LRMDA: variants seen among roughly 807,000 people sequenced by gnomAD.
The protein encoded by LRMDA is leucine rich melanocyte differentiation associated, also known as leucine-rich melanocyte differentiation-associated protein.
Under a neutral mutation model 29.8 loss-of-function variants are expected in LRMDA, and 18 were observed. The ratio of observed to expected loss-of-function variants is 0.60; its 90% CI spans 0.42 to 0.90. LRMDA has a LOEUF of 0.90. Among genes scored for constraint, LRMDA ranks in the 40% least tolerant of loss-of-function variants. The probability of loss-of-function intolerance (pLI) is 0.00; values close to 1 mark genes in which losing one functional copy is unlikely to be tolerated. For synonymous variants in LRMDA, 125 were observed against 109.4 expected, an observed-to-expected ratio of 1.14 and a Z score of -0.89; for missense variants, 273 against 273.9, an observed-to-expected ratio of 1.00 and a Z score of 0.02.
At chr10:75,832,176 C>T (rs1844357232) in intron 2 of LRMDA, among the ~76,000 whole-genome samples, 1 of 152,202 alleles carries the variant, frequency 6.6e-6, no homozygotes, top group Non-Finnish European at 1.5e-5. Flanking sequence ...AATTTTAATG[C>T]TCTGTTTCCC....
intron 5 of LRMDA, among the ~76,000 whole-genome samples, chr10:76,067,309 A>G (rs976479060): frequency 6.6e-6 from 1 of 152,206 alleles, no homozygotes; most frequent in African/African-American, 2.4e-5. Flanking sequence ...AATGACTAAG[A>G]TGGAGCCTTT....
At chr10:76,000,812 G>C (rs140173599) in intron 2 of LRMDA, among the ~76,000 whole-genome samples, 70 of 152,264 alleles carry the variant, frequency 4.6e-4, no homozygotes, top group African/African-American at 1.4e-3. Context: ...GTCTGATTAC[G>C]TAAAGTTGAT....
At chr10:76,046,971 C>A (rs113705400) in intron 3 of LRMDA, among the ~76,000 whole-genome samples, 193 bp from the exon 4 acceptor site, 1 of 152,146 alleles carries the variant, frequency 6.6e-6, no homozygotes, top group Non-Finnish European at 1.5e-5. Context: ...ACCTGCCTAG[C>A]GAAAGTTGGG....
chr10:75,992,577 C>T (rs1313006627), intron 2 of LRMDA, among the ~76,000 whole-genome samples: 8 of 152,142 alleles, frequency 5.3e-5, no homozygotes, highest in African/African-American at 1.4e-4. Flanking sequence ...GTTTTGCTAA[C>T]GGGCATGGAC....
In LRMDA at chr10:75,986,631, T is replaced by C. The variant is rs572983355; in HGVS notation, c.132-49377T>C. ...AACAGAGCCCACAGAATTAGCCACATCTTCATGGATTTGCACATGCAGAGC... is the reference window on the plus strand; with the variant it reads ...AACAGAGCCCACAGAATTAGCCACACCTTCATGGATTTGCACATGCAGAGC... On this transcript the variant is annotated intron_variant, in intron 2 of 6. Coordinates refer to ENST00000611255, the MANE Select transcript of LRMDA (RefSeq NM_001305581.2). Among the ~76,000 whole-genome samples the C allele has an allele frequency of 9.2e-5, 14 of 152,386 alleles. No individual in the cohort carries two copies. In the East Asian group the frequency reaches 1.3e-3, roughly 15 times the overall value.
chr10:76,289,720 G>A (rs537991910), intron 5 of LRMDA, among the ~76,000 whole-genome samples: 1 of 152,298 alleles, frequency 6.6e-6, no homozygotes, highest in Admixed American at 6.5e-5. Flanking sequence ...TTTCTCAAAT[G>A]TGCCTCATAA....
intron 2 of LRMDA, among the ~76,000 whole-genome samples, chr10:75,468,078 A>G (rs1487149980): frequency 6.6e-6 from 1 of 152,116 alleles, no homozygotes; most frequent in Non-Finnish European, 1.5e-5. Flanking sequence ...GATTATCTGC[A>G]TGTTTCCATA....
At chr10:75,807,090 G>A (rs1843867976) in intron 2 of LRMDA, among the ~76,000 whole-genome samples, 2 of 152,150 alleles carry the variant, frequency 1.3e-5, no homozygotes, top group Admixed American at 1.3e-4. Flanking sequence ...GGGGGTGAGT[G>A]TGCAGAATAT....
intron 2 of LRMDA, among the ~76,000 whole-genome samples, chr10:75,486,288 T>A (rs1291813638): frequency 6.6e-6 from 1 of 152,208 alleles, no homozygotes; most frequent in Non-Finnish European, 1.5e-5. Flanking sequence ...AAAAATTGTA[T>A]CTTTATTTTC....
chr10:75,753,391 G>A (rs1452707595), intron 2 of LRMDA, among the ~76,000 whole-genome samples: 1 of 152,152 alleles, frequency 6.6e-6, no homozygotes, highest in Admixed American at 6.5e-5. Context: ...CAGAGTGATG[G>A]CATAGAAAGT....
At chr10:76,044,538 C>T (rs917371959) in intron 3 of LRMDA, among the ~76,000 whole-genome samples, 10 of 150,218 alleles carry the variant, frequency 6.7e-5, no homozygotes, top group African/African-American at 2.2e-4. Flanking sequence ...GAATTGTTCA[C>T]TGTCATTTTA....
chr10:75,442,128 C>T (rs929032992), intron 2 of LRMDA, among the ~76,000 whole-genome samples: 1 of 152,190 alleles, frequency 6.6e-6, no homozygotes, highest in Non-Finnish European at 1.5e-5. Context: ...TTTTTTCCAA[C>T]TTTATTGAGG....
intron 5 of LRMDA, among the ~76,000 whole-genome samples, chr10:76,155,916 A>G (rs1850528898): frequency 6.6e-6 from 1 of 152,224 alleles, no homozygotes; most frequent in Non-Finnish European, 1.5e-5. Flanking sequence ...AAATGTGGCT[A>G]ACTCATCCAA....
intron 2 of LRMDA, among the ~76,000 whole-genome samples, chr10:75,770,100 G>A (rs1322641766): frequency 1.3e-5 from 2 of 151,884 alleles, no homozygotes; most frequent in Non-Finnish European, 2.9e-5. Flanking sequence ...AGACCAGCCT[G>A]GGCAAGATGG....
intron 2 of LRMDA, among the ~76,000 whole-genome samples, chr10:75,617,839 C>T (rs961028110): frequency 1.1e-4 from 16 of 152,230 alleles, no homozygotes; most frequent in African/African-American, 3.9e-4. Context: ...TGAGCCTCTG[C>T]TCCTTTGGAA....
At chr10:76,354,884 T>C (rs915236112) in intron 6 of LRMDA, among the ~76,000 whole-genome samples, 7 of 152,178 alleles carry the variant, frequency 4.6e-5, no homozygotes, top group Non-Finnish European at 7.3e-5. Context: ...ATAGTCATAA[T>C]TGTGCTGTCG....
intron 2 of LRMDA, among the ~76,000 whole-genome samples, chr10:75,854,486 G>C (rs540357379): frequency 1.5e-3 from 231 of 152,122 alleles, no homozygotes; most frequent in Non-Finnish European, 2.6e-3. Context: ...GTTTATATTT[G>C]TTGTCCTAGT....
At chr10:76,000,889 G>A (rs920807731) in intron 2 of LRMDA, among the ~76,000 whole-genome samples, 1 of 152,186 alleles carries the variant, frequency 6.6e-6, no homozygotes, top group African/African-American at 2.4e-5. Context: ...CTCCCTTCCC[G>A]CTTCTCCACC....
intron 5 of LRMDA, among the ~76,000 whole-genome samples, chr10:76,157,285 T>C (rs1325922390): frequency 2.6e-5 from 4 of 152,146 alleles, no homozygotes; most frequent in Non-Finnish European, 4.4e-5. Flanking sequence ...ATTTTTGCCA[T>C]AGTATATTTC....
Sources: allele counts gnomAD v4.1 joint callset (sites outside exome capture counted in the v4.1 genomes callset), GRCh38; gene constraint gnomAD v4.1.1; transcripts MANE v1.5; gene names NCBI Gene and HGNC (gene_info 2026-07-23, HGNC 2026-07-21).